ATP6V1C2: variants seen among roughly 807,000 people sequenced by gnomAD.
The protein encoded by ATP6V1C2 is ATPase H+ transporting V1 subunit C2.
ATP6V1C2 carries 45 observed loss-of-function variants against 56.8 expected under a neutral mutation model. That is an observed-to-expected ratio of 0.79 (90% CI 0.62 to 1.02). The LOEUF is 1.02. Ranked by LOEUF, ATP6V1C2 falls within the 50% of genes least tolerant of loss-of-function variation. The pLI is 0.00. For synonymous variants in ATP6V1C2, 220 were observed against 201.3 expected (o/e 1.09, Z -0.79); for missense variants, 463 against 519.7 (o/e 0.89, Z 1.06).
intron 10 of ATP6V1C2, among the ~76,000 whole-genome samples, chr2:10,775,422 C>T (rs564623364): frequency 1.3e-5 from 2 of 152,188 alleles, no homozygotes; most frequent in African/African-American, 4.8e-5. Context: ...GCCAGAGGAC[C>T]CTGCCAGGCC....
chr2:10,784,937 G>C lies in ATP6V1C2; in HGVS notation c.*1674G>C, dbSNP rs774257550. On this transcript the variant is annotated 3_prime_UTR_variant, in exon 14 of 14. Transcript: ENST00000272238. ...AGCTTCCCTCCCGGGCACTCACCTC[G>C]CCATCCCTGCCGTCCCAAGGCTCTC... 6.3e-7 allele frequency: 1 copy of C among 1,578,306 alleles called. No individual in the cohort carries two copies. The highest frequency in any genetic ancestry group is 8.6e-7 in the Non-Finnish European group (1 of 1,159,688).
At position 10,784,961 on chromosome 2, in the gene ATP6V1C2, T is replaced by C; in HGVS notation, c.*1698T>C. 2 of 1,591,370 alleles carry C rather than the reference T, an allele frequency of 1.3e-6. No homozygotes were observed. The highest frequency in any genetic ancestry group is 1.7e-6 in the Non-Finnish European group (2 of 1,167,598). ...CGCCATCCCTGCCGTCCCAAGGCTC[T>C]CTCTCAACGATGGTAGGGAAAGCCC... On this transcript the variant is annotated 3_prime_UTR_variant, in exon 14 of 14. Coordinates refer to ENST00000272238, the MANE Select transcript of ATP6V1C2 (RefSeq NM_001039362.2).
chr2:10,735,212 C>T (rs1662186017), intron 3 of ATP6V1C2, among the ~76,000 whole-genome samples: 1 of 152,124 alleles, frequency 6.6e-6, no homozygotes, highest in African/African-American at 2.4e-5. Context: ...GTCTGTCACC[C>T]AGGCTGGAGT....
At chr2:10,750,323 G>C in intron 3 of ATP6V1C2, among the ~76,000 whole-genome samples, 1 of 152,022 alleles carries the variant, frequency 6.6e-6, no homozygotes, top group Non-Finnish European at 1.5e-5. Flanking sequence ...TTGAGACCAG[G>C]CTGGGCAGCA....
intron 3 of ATP6V1C2, among the ~76,000 whole-genome samples, chr2:10,731,929 C>A (rs1040809464): frequency 5.9e-5 from 9 of 151,890 alleles, no homozygotes; most frequent in African/African-American, 2.2e-4. Context: ...GCAGAGATCA[C>A]ACCACTGCAC....
intron 3 of ATP6V1C2, among the ~76,000 whole-genome samples, chr2:10,736,927 T>A (rs1662282081): frequency 1.3e-5 from 2 of 151,912 alleles, no homozygotes; most frequent in African/African-American, 2.4e-5. Context: ...TTTATATTTT[T>A]TATAGGGACG....
chr2:10,722,798 T>G, intron 1 of ATP6V1C2, 26 bp from the exon 2 acceptor site: 4 of 1,605,200 alleles, frequency 2.5e-6, no homozygotes, highest in Non-Finnish European at 3.4e-6. Context: ...TTTCTGTTTG[T>G]GTATGTTTGT....
Position 10,769,846 on chromosome 2 carries a change from C to T in ATP6V1C2, c.470+1036C>T, listed in dbSNP as rs1344747038. 3.3e-5 allele frequency among the ~76,000 whole-genome samples: 5 copies of T among 152,240 alleles called. No homozygotes were observed. In the East Asian group the frequency reaches 5.8e-4, roughly 18 times the overall value. On this transcript the variant is annotated intron_variant, in intron 6 of 13. Coordinates refer to ENST00000272238, the MANE Select transcript of ATP6V1C2 (RefSeq NM_001039362.2). ...CAGACTCTGGATCTGATGCTGTTGGCGGTTCTTTGAGAACCCTGGTCAATT... is the reference window on the plus strand; with the variant it reads ...CAGACTCTGGATCTGATGCTGTTGGTGGTTCTTTGAGAACCCTGGTCAATT...
chr2:10,777,458 C>T (rs867677187), intron 10 of ATP6V1C2, 127 bp from the exon 11 acceptor site: 136 of 1,238,276 alleles, frequency 1.1e-4, no homozygotes, highest in Middle Eastern at 9.0e-4. Flanking sequence ...CTAGCCAGCA[C>T]GCGAGTCCCG....
At position 10,764,271 on chromosome 2, in the gene ATP6V1C2, G is replaced by A. The variant is rs187929550; in HGVS notation, c.284-60G>A. 2.8e-5 allele frequency: 40 copies of A among 1,432,416 alleles called. No homozygotes were observed. In the Admixed American group the frequency reaches 6.6e-4, roughly 24 times the overall value. The allele number at this position is 1,432,416 out of a possible 1,614,324, so 88.7% of individuals were successfully genotyped here. ...CTGATGCTTGGCTTGGGATTCCGAAGTCTCAATCATGGATGCAGAGCGCAG... is the reference window on the plus strand; with the variant it reads ...CTGATGCTTGGCTTGGGATTCCGAAATCTCAATCATGGATGCAGAGCGCAG... On this transcript the variant is annotated intron_variant, in intron 4 of 13. Transcript: ENST00000272238.
intron 10 of ATP6V1C2, among the ~76,000 whole-genome samples, chr2:10,776,233 T>C (rs1467860521): frequency 6.6e-6 from 1 of 151,888 alleles, no homozygotes; most frequent in East Asian, 2.0e-4. Flanking sequence ...TTTTTCACCC[T>C]CCTCCTCCGA....
At chr2:10,754,372 C>T (rs1416484089) in intron 4 of ATP6V1C2, among the ~76,000 whole-genome samples, 2 of 151,724 alleles carry the variant, frequency 1.3e-5, no homozygotes, top group Admixed American at 1.3e-4. Flanking sequence ...ACTACAGGCA[C>T]CCACCGCCAC....
chr2:10,744,118 G>C (rs1271171276), intron 3 of ATP6V1C2: 5 of 152,112 alleles, frequency 3.3e-5, no homozygotes, highest in African/African-American at 1.2e-4. Flanking sequence ...GGAGTTTGAG[G>C]CTGCAGCGGG....
In ATP6V1C2 at chr2:10,754,048, C is replaced by T. The variant is rs767922434; in HGVS notation, c.265C>T (p.His89Tyr). 1 of 1,603,970 alleles carries T rather than the reference C, an allele frequency of 6.2e-7. No homozygotes were observed. The highest frequency in any genetic ancestry group is 1.7e-5 in the Admixed American group (1 of 59,262). The change falls in exon 4 of 14, where the codon CAC becomes TAC. Residue 89 changes from histidine (H) to tyrosine (Y), a missense_variant. His to Tyr is a moderately conservative substitution (Grantham distance 83). Coordinates refer to ENST00000272238, the MANE Select transcript of ATP6V1C2 (RefSeq NM_001039362.2). ...MEDSKGKVQEHLLANGVDLTS... is the reference protein window; with the variant it reads ...MEDSKGKVQEYLLANGVDLTS... ...GGACTCAAAGGGGAAGGTCCAGGAG[C>T]ACCTCCTGGCAAACGGAGGTAGGTA...
intron 3 of ATP6V1C2, among the ~76,000 whole-genome samples, chr2:10,736,215 A>G: frequency 6.6e-6 from 1 of 152,104 alleles, no homozygotes; most frequent in African/African-American, 2.4e-5. Context: ...TGCTTTGAGG[A>G]TAGCTGCTTT....
At chr2:10,733,537 C>T (rs1027925947) in intron 3 of ATP6V1C2, among the ~76,000 whole-genome samples, 1 of 151,802 alleles carries the variant, frequency 6.6e-6, no homozygotes, top group South Asian at 2.1e-4. Flanking sequence ...AGAGCTTTCT[C>T]TCTCTTTTTT....
chr2:10,748,335 T>C (rs1663031958), intron 3 of ATP6V1C2, among the ~76,000 whole-genome samples: 2 of 152,238 alleles, frequency 1.3e-5, no homozygotes, highest in South Asian at 4.1e-4. Context: ...ACAAGTGATG[T>C]TGTTTTCCTC....
intron 2 of ATP6V1C2, among the ~76,000 whole-genome samples, chr2:10,723,604 C>T (rs1558380959): frequency 2.6e-5 from 4 of 151,550 alleles, no homozygotes; most frequent in South Asian, 2.1e-4. Flanking sequence ...TTTGGGAGGC[C>T]GAGGTGGGTG....
intron 4 of ATP6V1C2, among the ~76,000 whole-genome samples, chr2:10,757,081 C>T (rs1157566687): frequency 1.5e-5 from 2 of 136,686 alleles, no homozygotes; most frequent in Admixed American, 8.1e-5. Flanking sequence ...GGCGCGATCT[C>T]AGCTCACCGC....
Sources: gnomAD v4.1 joint callset for allele counts (sites outside exome capture counted in the v4.1 genomes callset) on GRCh38, gnomAD v4.1.1 for gene constraint, MANE v1.5 for transcripts, NCBI Gene and HGNC (gene_info 2026-07-23, HGNC 2026-07-21) for gene names.